The following FAM13A variants were observed in gnomAD, a reference collection of about 807,000 sequenced individuals.
FAM13A encodes the protein protein FAM13A.
In FAM13A, 76 loss-of-function variants were observed where a neutral mutation model predicts 129.6. That is an observed-to-expected ratio of 0.59 (90% CI 0.49 to 0.71). The LOEUF (loss-of-function observed/expected upper bound fraction) is 0.71. Ranked by LOEUF, FAM13A falls within the 30% of genes least tolerant of loss-of-function variation. The pLI is 0.00. For synonymous variants in FAM13A, 443 were observed against 449.9 expected, an observed-to-expected ratio of 0.98 and a Z score of 0.20; for missense variants, 1,108 against 1,249.3, an observed-to-expected ratio of 0.89 and a Z score of 1.70.
intron 1 of FAM13A, 92 bp from the exon 2 acceptor site, chr4:89,029,741 T>G (rs1768443719): frequency 9.5e-7 from 1 of 1,048,962 alleles, no homozygotes. Flanking sequence ...AAAATGTGTT[T>G]GAAGATGAAT....
At chr4:88,790,539 TAAAA>T (rs112676553) in intron 9 of FAM13A, 43 bp downstream of exon 9, 2 of 1,230,692 alleles carry the variant, frequency 1.6e-6, no homozygotes, top group Non-Finnish European at 1.1e-6. Context: ...GACAGGGCAT[TAAAA>T]AAAAAAAACC....
chr4:89,004,875 T>TG (rs1226197051), intron 3 of FAM13A, among the ~76,000 whole-genome samples: 2 of 152,310 alleles, frequency 1.3e-5, no homozygotes, highest in Non-Finnish European at 2.9e-5. Context: ...CTCTGAAAGT[T>TG]GATCTCTGAA....
Position 88,823,336 on chromosome 4 carries a change from G to A in FAM13A, c.1008-18284C>T, listed in dbSNP as rs1375254120. On this transcript the variant is annotated intron_variant, in intron 7 of 23. Coordinates refer to ENST00000264344, the MANE Select transcript of FAM13A (RefSeq NM_014883.4). Reference sequence around the variant, plus strand: ...CTAAAGGCGCTCCTCCTCCTCCCCCGCACCCTACTCCTTCTGCTCCTCAAT... The same window carrying A: ...CTAAAGGCGCTCCTCCTCCTCCCCCACACCCTACTCCTTCTGCTCCTCAAT... 9.1e-6 allele frequency: 10 copies of A among 1,102,556 alleles called. No homozygotes were observed. In the East Asian group the frequency reaches 5.0e-4, roughly 55 times the overall value. The allele number at this position is 1,102,556 out of a possible 1,614,324, so 68.3% of individuals were successfully genotyped here. A position where few individuals can be genotyped will look rare whatever the true frequency, so the allele number is the denominator to read the frequency against.
chr4:88,953,211 T>C (rs1757215540), intron 4 of FAM13A, among the ~76,000 whole-genome samples: 1 of 151,818 alleles, frequency 6.6e-6, no homozygotes, highest in Non-Finnish European at 1.5e-5. Context: ...TCCCAGCACT[T>C]TGGGAAACCG....
intron 7 of FAM13A, among the ~76,000 whole-genome samples, chr4:88,817,231 TATG>T (rs1275634456): frequency 6.6e-6 from 1 of 152,208 alleles, no homozygotes; most frequent in Admixed American, 6.5e-5. Flanking sequence ...TGCATATTTG[TATG>T]ATATGTGAAT....
intron 4 of FAM13A, among the ~76,000 whole-genome samples, chr4:88,978,137 T>C (rs1197589605): frequency 6.6e-6 from 1 of 152,226 alleles, no homozygotes; most frequent in Non-Finnish European, 1.5e-5. Context: ...GAAATCCTTG[T>C]GCACCAGTTT....
chr4:88,741,819 C>T (rs1057452577), intron 19 of FAM13A, among the ~76,000 whole-genome samples: 2 of 152,166 alleles, frequency 1.3e-5, no homozygotes, highest in Non-Finnish European at 2.9e-5. Context: ...TGAAACACTT[C>T]TGGTCCCAAG....
At chr4:88,909,609 C>T (rs1369149138) in intron 5 of FAM13A, among the ~76,000 whole-genome samples, 2 of 152,062 alleles carry the variant, frequency 1.3e-5, no homozygotes, top group Admixed American at 6.6e-5. Context: ...GTCTCAGCCT[C>T]TGGAGTAGCT....
chr4:88,902,361 A>T (rs1747430458), intron 6 of FAM13A, among the ~76,000 whole-genome samples: 1 of 152,308 alleles, frequency 6.6e-6, no homozygotes, highest in East Asian at 1.9e-4. Context: ...GTTGTCAATA[A>T]AACACTGGCA....
At chr4:88,868,327 G>T (rs1979290) in intron 6 of FAM13A, among the ~76,000 whole-genome samples, 16,986 of 152,130 alleles carry the variant, frequency 0.11, 1,055 homozygotes, top group Non-Finnish European at 0.14. Context: ...TTCTCTCCTT[G>T]ATGAAGGCAC....
At chr4:88,913,757 A>G (rs1749601236) in intron 5 of FAM13A, among the ~76,000 whole-genome samples, 1 of 152,172 alleles carries the variant, frequency 6.6e-6, no homozygotes, top group South Asian at 2.1e-4. Flanking sequence ...ATATGAAATC[A>G]TTCACCTTCA....
chr4:88,956,081 T>C (rs1382323098), intron 4 of FAM13A, among the ~76,000 whole-genome samples: 1 of 152,234 alleles, frequency 6.6e-6, no homozygotes, highest in East Asian at 1.9e-4. Context: ...TAGTATAGCC[T>C]AAGTGTACCA....
intron 7 of FAM13A, among the ~76,000 whole-genome samples, chr4:88,822,287 T>C (rs1014318199): frequency 6.6e-6 from 1 of 152,188 alleles, no homozygotes; most frequent in African/African-American, 2.4e-5. Context: ...ACAACAGTGT[T>C]CTTTTTCATA....
Position 88,852,999 on chromosome 4 carries a change from AT to A in FAM13A, c.844-1817del, listed in dbSNP as rs1263414100. ...TGAACATAATTTGGCAAAAAGGTAT[AT>A]TTAGGATAGAGCAAAGTGAACTCAA... On this transcript the variant is annotated intron_variant, in intron 6 of 23. Transcript: ENST00000264344. Among the ~76,000 whole-genome samples, 3 of 152,342 alleles carry A rather than the reference AT, an allele frequency of 2.0e-5. No individual in the cohort carries two copies. In the East Asian group the frequency reaches 5.8e-4, roughly 29 times the overall value.
At chr4:88,976,899 C>T (rs1038833122) in intron 4 of FAM13A, among the ~76,000 whole-genome samples, 1 of 152,090 alleles carries the variant, frequency 6.6e-6, no homozygotes, top group African/African-American at 2.4e-5. Context: ...GCATTCAGTA[C>T]AGTAACATGG....
At chr4:88,899,750 C>T (rs1304803769) in intron 6 of FAM13A, among the ~76,000 whole-genome samples, 1 of 152,054 alleles carries the variant, frequency 6.6e-6, no homozygotes, top group Non-Finnish European at 1.5e-5. Context: ...CAACACCTCT[C>T]CAGCAAAGGC....
intron 3 of FAM13A, among the ~76,000 whole-genome samples, chr4:88,995,215 C>A (rs1165524286): frequency 6.7e-6 from 1 of 150,072 alleles, no homozygotes; most frequent in Non-Finnish European, 1.5e-5. Flanking sequence ...GTTTATCACA[C>A]ACTTTCTATG....
intron 9 of FAM13A, 49 bp downstream of exon 9, chr4:88,790,537 A>AT (rs753552649): frequency 4.9e-5 from 67 of 1,364,204 alleles, no homozygotes; most frequent in Non-Finnish European, 6.9e-5. Flanking sequence ...GGGACAGGGC[A>AT]TTAAAAAAAA....
At chr4:88,871,477 G>A (rs1293831079) in intron 6 of FAM13A, among the ~76,000 whole-genome samples, 1 of 152,184 alleles carries the variant, frequency 6.6e-6, no homozygotes, top group Admixed American at 6.5e-5. Flanking sequence ...GAAAACCATG[G>A]CACAAGAACT....
Sources: allele counts gnomAD v4.1 joint callset (sites outside exome capture counted in the v4.1 genomes callset), GRCh38; gene constraint gnomAD v4.1.1; transcripts MANE v1.5; gene names NCBI Gene and HGNC (gene_info 2026-07-23, HGNC 2026-07-21).